Variants in ROBO2 observed in about 807,000 individuals in gnomAD.
ROBO2 encodes the protein roundabout homolog 2.
A neutral mutation model predicts 160.8 loss-of-function variants in ROBO2; 53 were observed. The observed-to-expected ratio is 0.33, with a 90% CI of 0.26 to 0.41. ROBO2 has a LOEUF of 0.41. ROBO2 is among the 10% of genes least tolerant of loss of function. The pLI, the probability that ROBO2 is intolerant of heterozygous loss-of-function variation, is 1.00. For missense variants in ROBO2, 1,577 were observed against 1,722.4 expected, an observed-to-expected ratio of 0.92 and a Z score of 1.49; for synonymous variants, 664 against 611.7, an observed-to-expected ratio of 1.09 and a Z score of -1.26.
intron 2 of ROBO2, among the ~76,000 whole-genome samples, chr3:77,143,098 A>G (rs2076834775): frequency 1.3e-5 from 2 of 151,020 alleles, no homozygotes; most frequent in South Asian, 4.2e-4. Context: ...CAATAAACAA[A>G]AAGCAAACTG....
intron 2 of ROBO2, among the ~76,000 whole-genome samples, chr3:76,218,718 C>T (rs188648177): frequency 1.4e-4 from 21 of 152,206 alleles, no homozygotes; most frequent in East Asian, 7.7e-4. Context: ...GACTCAATAT[C>T]GTGAAAATGG....
intron 2 of ROBO2, among the ~76,000 whole-genome samples, chr3:76,803,388 AAGG>A (rs1179475968): frequency 6.7e-6 from 1 of 148,724 alleles, no homozygotes; most frequent in African/African-American, 2.5e-5. Flanking sequence ...GGATACAGAA[AAGG>A]AGGAGGAGGA....
chr3:76,203,157 C>T (rs35260771), intron 2 of ROBO2, among the ~76,000 whole-genome samples: 112,672 of 151,880 alleles, frequency 0.74, 43,611 homozygotes, highest in Non-Finnish European at 0.87. Context: ...TCAAATCCCC[C>T]CCAGATCCAC....
intron 2 of ROBO2, among the ~76,000 whole-genome samples, chr3:77,299,365 GTTCT>G (rs1296764595): frequency 1.3e-5 from 2 of 152,142 alleles, no homozygotes; most frequent in Non-Finnish European, 2.9e-5. Context: ...ATATTAGTTT[GTTCT>G]CACGCTGCTA....
intron 2 of ROBO2, among the ~76,000 whole-genome samples, chr3:76,707,596 A>T (rs949742276): frequency 6.6e-6 from 1 of 151,930 alleles, no homozygotes; most frequent in Admixed American, 6.6e-5. Flanking sequence ...AGAGATCTTC[A>T]CACACTACAG....
intron 2 of ROBO2, among the ~76,000 whole-genome samples, chr3:77,452,617 C>G (rs1259743745): frequency 1.3e-5 from 2 of 151,926 alleles, no homozygotes; most frequent in Non-Finnish European, 2.9e-5. Context: ...AAAGAAAATG[C>G]CTACAAAGTC....
intron 2 of ROBO2, among the ~76,000 whole-genome samples, chr3:77,028,096 C>A (rs1469394480): frequency 1.3e-5 from 2 of 152,002 alleles, no homozygotes; most frequent in African/African-American, 2.4e-5. Flanking sequence ...CCTTACTCCT[C>A]TTCATAACCC....
chr3:75,935,539 T>G (rs139062227), intron 1 of ROBO2, among the ~76,000 whole-genome samples: 1 of 152,208 alleles, frequency 6.6e-6, no homozygotes, highest in African/African-American at 2.4e-5. Flanking sequence ...ACACTTGTAA[T>G]TCCAAATCCA....
At chr3:77,634,526 C>A in intron 23 of ROBO2, 1 of 256,980 alleles carries the variant, frequency 3.9e-6, no homozygotes, top group South Asian at 5.0e-5. Context: ...ATAAAAACTG[C>A]ATGAATTTGC....
chr3:76,812,809 G>A (rs1217071317), intron 2 of ROBO2, among the ~76,000 whole-genome samples: 3 of 151,224 alleles, frequency 2.0e-5, no homozygotes, highest in Non-Finnish European at 2.9e-5. Context: ...AATTAGTAAC[G>A]GAAGAAATTT....
chr3:76,158,887 T>G (rs187492726), intron 2 of ROBO2, among the ~76,000 whole-genome samples: 1 of 152,286 alleles, frequency 6.6e-6, no homozygotes. Context: ...ACCATAAAAA[T>G]ATAGTGTTAC....
chr3:76,391,641 G>T (rs930511211), intron 2 of ROBO2, among the ~76,000 whole-genome samples: 1 of 151,862 alleles, frequency 6.6e-6, no homozygotes, highest in African/African-American at 2.4e-5. Flanking sequence ...CCTGCCTCAG[G>T]CTCCCGGACT....
chr3:76,476,509 C>T (rs1353585798), intron 2 of ROBO2, among the ~76,000 whole-genome samples: 5 of 152,110 alleles, frequency 3.3e-5, no homozygotes, highest in Non-Finnish European at 7.4e-5. Flanking sequence ...GACATCTCCA[C>T]CTACTTGCTG....
chr3:77,613,181 G>A (rs1326230889), intron 21 of ROBO2, among the ~76,000 whole-genome samples: 1 of 150,896 alleles, frequency 6.6e-6, no homozygotes, highest in Non-Finnish European at 1.5e-5. Context: ...AGCACATGAT[G>A]CATATAACAC....
Position 77,141,571 on chromosome 3 carries a change from T to C in ROBO2, c.388+43231T>C, listed in dbSNP as rs143123858. ...GTTATTCATTATGGTAATGGCACTT[T>C]GTGATGTGCAATTTCTGGATTTATG... On this transcript the variant is annotated intron_variant, in intron 2 of 25. Coordinates refer to ENST00000461745, the Ensembl canonical transcript of ROBO2. Among the ~76,000 whole-genome samples, 80 of 152,322 alleles carry C rather than the reference T, an allele frequency of 5.3e-4. No homozygotes were observed. The East Asian group carries it at 9.3e-3, about 18-fold the overall frequency.
In ROBO2 at chr3:77,371,952, A is replaced by C. The variant is rs144947259; in HGVS notation, c.389-105462A>C. Among the ~76,000 whole-genome samples, 26 of 152,340 alleles carry C rather than the reference A, an allele frequency of 1.7e-4. 1 individual carries two copies. The East Asian group carries it at 4.8e-3, about 28-fold the overall frequency. ...ACACTGCCAATAATTACAGGTGATT[A>C]ATATTTTCTGGTCAGTTTCCATTCC... On this transcript the variant is annotated intron_variant, in intron 2 of 25. Transcript: ENST00000461745.
At chr3:76,973,118 A>C (rs6764089) in intron 2 of ROBO2, among the ~76,000 whole-genome samples, 58,293 of 152,018 alleles carry the variant, frequency 0.38, 12,463 homozygotes, top group African/African-American at 0.58. Context: ...GAGGCCCCAG[A>C]AGGAAGATAA....
In ROBO2 at chr3:76,500,574, CCT is replaced by C. The variant is rs146725351; in HGVS notation, c.109+562975_109+562976del. On this transcript the variant is annotated intron_variant, in intron 2 of 26. Coordinates refer to the ROBO2 transcript ENST00000487694. Reference sequence around the variant, plus strand: ...TCCTCCTTTCCTTAAAGAATAAATTCCTCTGCAGACAAAGGAGAAGGGGGTAC... The same window carrying C: ...TCCTCCTTTCCTTAAAGAATAAATTCCTGCAGACAAAGGAGAAGGGGGTAC... Among the ~76,000 whole-genome samples the C allele has an allele frequency of 3.3e-5, 5 of 152,258 alleles. No homozygotes were observed. The East Asian group carries it at 9.7e-4, about 29-fold the overall frequency.
chr3:76,667,178 A>G (rs1218518037), intron 2 of ROBO2, among the ~76,000 whole-genome samples: 1 of 152,144 alleles, frequency 6.6e-6, no homozygotes. Flanking sequence ...TTAGATTTTT[A>G]GAATTATACA....
Sources: allele counts gnomAD v4.1 joint callset (sites outside exome capture counted in the v4.1 genomes callset), GRCh38; gene constraint gnomAD v4.1.1; transcripts MANE v1.5; gene names NCBI Gene and HGNC (gene_info 2026-07-23, HGNC 2026-07-21).